VTCN1: variants seen among roughly 807,000 people sequenced by gnomAD.
VTCN1 encodes the protein V-set domain-containing T-cell activation inhibitor 1.
Under a neutral mutation model 26.5 loss-of-function variants are expected in VTCN1, and 26 were observed. The observed-to-expected ratio is 0.98, with a 90% CI of 0.72 to 1.36. VTCN1 has a LOEUF of 1.36. Ranked by LOEUF, VTCN1 falls within the 40% of genes most tolerant of loss-of-function variation. The pLI is 0.00. For missense variants in VTCN1, 298 were observed against 337.7 expected (o/e 0.88, Z 0.92); for synonymous variants, 116 against 130.7 (o/e 0.89, Z 0.77).
chr1:117,184,491 A>G (rs1647836259), intron 1 of VTCN1, among the ~76,000 whole-genome samples: 1 of 152,016 alleles, frequency 6.6e-6, no homozygotes, highest in Non-Finnish European at 1.5e-5. Flanking sequence ...ACTTTAAGCA[A>G]TTTTTTTTAC....
chr1:117,157,003 C>T lies in VTCN1; in HGVS notation c.98-82G>A, dbSNP rs6690933. The T allele has an allele frequency of 5.6e-3, 9,072 of 1,607,280 alleles. 455 individuals carry two copies. The African/African-American group carries it at 0.11, about 19-fold the overall frequency. ...AAACCCTTCATTGCTGAAAGCCAGA[C>T]AGAGACTTCTGTGATAAATTAAAAA... On this transcript the variant is annotated intron_variant, in intron 2 of 5. Transcript: ENST00000369458.
chr1:117,183,568 G>A lies in VTCN1; in HGVS notation c.33-13397C>T, dbSNP rs957932712. Among the ~76,000 whole-genome samples the A allele has an allele frequency of 6.6e-6, 1 of 152,146 alleles. No homozygotes were observed. The highest frequency in any genetic ancestry group is 1.5e-5 in the Non-Finnish European group (1 of 68,022). On this transcript the variant is annotated intron_variant, in intron 1 of 5. Coordinates refer to ENST00000369458, the MANE Select transcript of VTCN1 (RefSeq NM_024626.4). The surrounding 1 kb of genome is among the most constrained non-coding windows in gnomAD (Gnocchi z 4.1). Reference sequence around the variant, plus strand: ...TACATGGAAGACCTGGTTGGCTGTGGCTAAGAAGGGGACCTAGAGATTCAT... The same window carrying A: ...TACATGGAAGACCTGGTTGGCTGTGACTAAGAAGGGGACCTAGAGATTCAT...
intron 1 of VTCN1, among the ~76,000 whole-genome samples, chr1:117,199,633 ATTTT>A (rs757979940): frequency 7.4e-6 from 1 of 134,768 alleles, no homozygotes; most frequent in Non-Finnish European, 1.6e-5. Flanking sequence ...GCCACAAGGA[ATTTT>A]TTTTTTTTTT....
At chr1:117,192,006 G>T (rs1648268969) in intron 1 of VTCN1, among the ~76,000 whole-genome samples, 1 of 136,532 alleles carries the variant, frequency 7.3e-6, no homozygotes, top group Non-Finnish European at 1.6e-5. Flanking sequence ...CAATTCTTAG[G>T]AGATATATAG....
Position 117,147,765 on chromosome 1 carries a change from G to A in VTCN1, c.742C>T (p.Arg248Trp), listed in dbSNP as rs1289431844. Residue 248 changes from arginine to tryptophan, a missense_variant, in exon 5 of 6, where the codon CGG (arginine) becomes TGG (tryptophan). Transcript: ENST00000369458. The surrounding 1 kb of genome is among the most constrained non-coding windows in gnomAD (Gnocchi z 4.6). ...GAGTTTAGCAGCTGTAGGTGACTCC[G>A]CCTTTTGATCTCCGATTCTGTGAAG... ...IKVTESEIKRRSHLQLLNSKA... is the reference protein window; with the variant it reads ...IKVTESEIKRWSHLQLLNSKA... 6 of 1,613,464 alleles carry A rather than the reference G, an allele frequency of 3.7e-6. No individual in the cohort carries two copies. Among genetic ancestry groups the A allele is most frequent in the East Asian group, 2.2e-5 (1 of 44,860 alleles).
intron 4 of VTCN1, 41 bp downstream of exon 4, chr1:117,153,050 C>A (rs770943756): frequency 1.9e-6 from 3 of 1,567,944 alleles, no homozygotes; most frequent in South Asian, 1.2e-5. Flanking sequence ...AGATTTTACT[C>A]TTTCCCCAGT....
rs558144700 is a variant in VTCN1, at chr1:117,198,872, A to G, written c.32+11952T>C. ...CATAGGTCAGTTACAAAAAAAGCCA[A>G]TGTGGGGCAAGGTTAGTCAAGAAAG... On this transcript the variant is annotated intron_variant, in intron 1 of 5. Coordinates refer to ENST00000369458, the MANE Select transcript of VTCN1 (RefSeq NM_024626.4). 5.9e-5 allele frequency among the ~76,000 whole-genome samples: 9 copies of G among 152,336 alleles called. No individual in the cohort carries two copies. In the East Asian group the frequency reaches 1.4e-3, roughly 23 times the overall value.
In VTCN1 at chr1:117,146,205, G is replaced by A. The variant is rs1264514170; in HGVS notation, c.*46-980C>T. 6.6e-6 allele frequency among the ~76,000 whole-genome samples: 1 copy of A among 151,934 alleles called. No individual in the cohort carries two copies. Among genetic ancestry groups the A allele is most frequent in the Non-Finnish European group, 1.5e-5 (1 of 67,940 alleles). On this transcript the variant is annotated intron_variant, in intron 5 of 5. Coordinates refer to ENST00000369458, the MANE Select transcript of VTCN1 (RefSeq NM_024626.4). The surrounding 1 kb of genome is among the most constrained non-coding windows in gnomAD (Gnocchi z 4.2). ...AAACACTCATTTGCAGTGTTGTGGG[G>A]AATCAAGGAAAGAAAAAAGTGCTTT... is the stretch of plus-strand genomic sequence containing the variant.
At chr1:117,166,229 AAACCT>A (rs1454550119) in intron 2 of VTCN1, among the ~76,000 whole-genome samples, 1 of 152,234 alleles carries the variant, frequency 6.6e-6, no homozygotes, top group Non-Finnish European at 1.5e-5. Context: ...TATAAGTAGC[AAACCT>A]CCTGACTAAC....
At chr1:117,157,502 A>G (rs2101471453) in intron 2 of VTCN1, among the ~76,000 whole-genome samples, 1 of 152,304 alleles carries the variant, frequency 6.6e-6, no homozygotes, top group South Asian at 2.1e-4. Flanking sequence ...TAAACCCACC[A>G]GATCTCATTA....
At chr1:117,180,272 C>T (rs549155902) in intron 1 of VTCN1, among the ~76,000 whole-genome samples, 1 of 152,116 alleles carries the variant, frequency 6.6e-6, no homozygotes, top group East Asian at 1.9e-4. Flanking sequence ...TATTCTTAAG[C>T]CTGTCCTATT....
In VTCN1 at chr1:117,156,874, C is replaced by A. The variant is rs1159222191; in HGVS notation, c.145G>T (p.Gly49Trp). The change falls in exon 3 of 6, where the codon GGG becomes TGG. Residue 49 changes from glycine to tryptophan, a missense_variant. Coordinates refer to ENST00000369458, the MANE Select transcript of VTCN1 (RefSeq NM_024626.4). ...VTTVASAGNI[G>W]EDGILSCTFE... ...GTGCAGCTCAGGATTCCATCCTCCCCAATGTTCCCAGCTGAGGCGACAGTA... is the reference window on the plus strand; with the variant it reads ...GTGCAGCTCAGGATTCCATCCTCCCAAATGTTCCCAGCTGAGGCGACAGTA... 23 of 1,614,060 alleles carry A rather than the reference C, an allele frequency of 1.4e-5. 1 individual carries two copies. In the South Asian group the frequency reaches 2.5e-4, roughly 18 times the overall value.
In VTCN1 at chr1:117,169,591, A is replaced by G. The variant is rs1459251523; in HGVS notation, c.97+516T>C. ...CTGGTGATGTTGACAGTATCTCCCC[A>G]CTCAAAAATGAGGAAACTAGCCTGG... is the stretch of plus-strand genomic sequence containing the variant. On this transcript the variant is annotated intron_variant, in intron 2 of 5. Transcript: ENST00000369458. This position sits in a 1 kb window ranked among gnomAD's most constrained non-coding sequence, Gnocchi z 4.0. Among the ~76,000 whole-genome samples the G allele has an allele frequency of 6.6e-6, 1 of 152,120 alleles. No individual in the cohort carries two copies. The highest frequency in any genetic ancestry group is 1.5e-5 in the Non-Finnish European group (1 of 68,020).
chr1:117,184,796 C>G (rs983285633), intron 1 of VTCN1, among the ~76,000 whole-genome samples: 3 of 152,162 alleles, frequency 2.0e-5, no homozygotes, highest in African/African-American at 7.2e-5. Context: ...GCCAGGGTGA[C>G]TGTGGATACC....
At chr1:117,154,783 CA>C (rs916361996) in intron 3 of VTCN1, among the ~76,000 whole-genome samples, 2,594 of 39,938 alleles carry the variant, frequency 0.065, 28 homozygotes, top group African/African-American at 0.19. Context: ...AACTCCATCT[CA>C]AAAAAAAAAA....
intron 1 of VTCN1, among the ~76,000 whole-genome samples, chr1:117,188,082 C>G (rs533265096): frequency 2.6e-5 from 4 of 152,124 alleles, no homozygotes; most frequent in African/African-American, 7.2e-5. Flanking sequence ...ATCCTCCTCC[C>G]CCTCTCTAAC....
chr1:117,196,035 C>A (rs1402184829), intron 1 of VTCN1, among the ~76,000 whole-genome samples: 1 of 151,988 alleles, frequency 6.6e-6, no homozygotes, highest in Non-Finnish European at 1.5e-5. Flanking sequence ...ACCCATAGTC[C>A]CAGCTACTTG....
Position 117,156,836 on chromosome 1 carries a change from G to A in VTCN1, c.183C>T (p.Asp61=), listed in dbSNP as rs771085035. The change falls in exon 3 of 6, where the codon GAC becomes GAT. Residue 61 remains aspartate, a synonymous_variant. Transcript: ENST00000369458. ...DGILSCTFEP[D]IKLSDIVIQW... The stretch of plus-strand genomic sequence containing the variant: ...GTATCACGATATCAGAAAGTTTGAT[G>A]TCAGGTTCAAAAGTGCAGCTCAGGA... The A allele has an allele frequency of 5.0e-6, 8 of 1,614,030 alleles. No homozygotes were observed. The South Asian group carries it at 8.8e-5, about 18-fold the overall frequency.
At chr1:117,198,452 T>G (rs1388015924) in intron 1 of VTCN1, among the ~76,000 whole-genome samples, 1 of 152,200 alleles carries the variant, frequency 6.6e-6, no homozygotes, top group Non-Finnish European at 1.5e-5. Flanking sequence ...GGCCGGCCAT[T>G]GTTTCACTGT....
Sources: gnomAD v4.1 joint callset for allele counts (sites outside exome capture counted in the v4.1 genomes callset) on GRCh38, gnomAD v4.1.1 for gene constraint, Gnocchi (gnomAD v3.1) non-coding constraint, MANE v1.5 for transcripts, NCBI Gene and HGNC (gene_info 2026-07-23, HGNC 2026-07-21) for gene names.